ENTPD1: variants seen among roughly 807,000 people sequenced by gnomAD.
ENTPD1 encodes the protein ATP diphosphohydrolase.
A neutral mutation model predicts 57.0 loss-of-function variants in ENTPD1; 33 were observed. The ratio of observed to expected loss-of-function variants is 0.58; its 90% CI spans 0.44 to 0.77. ENTPD1 has a LOEUF of 0.77. ENTPD1 is among the 30% of genes least tolerant of loss of function. ENTPD1 has a pLI of 0.00. For synonymous variants in ENTPD1, 202 were observed against 218.8 expected, an observed-to-expected ratio of 0.92 and a Z score of 0.68; for missense variants, 501 against 603.4, an observed-to-expected ratio of 0.83 and a Z score of 1.78.
At chr10:95,767,038 C>G (rs945698673) in intron 1 of ENTPD1, among the ~76,000 whole-genome samples, 1 of 151,898 alleles carries the variant, frequency 6.6e-6, no homozygotes, top group Admixed American at 6.6e-5. Flanking sequence ...CACCACCATA[C>G]CCAGCTGATT....
intron 1 of ENTPD1, among the ~76,000 whole-genome samples, chr10:95,795,004 G>A (rs553921490): frequency 3.9e-5 from 6 of 152,288 alleles, no homozygotes; most frequent in African/African-American, 1.4e-4. Context: ...ATGGGAAGCT[G>A]TGGAGTATTC....
intron 1 of ENTPD1, among the ~76,000 whole-genome samples, chr10:95,715,183 C>G (rs2097970096): frequency 6.6e-6 from 1 of 152,138 alleles, no homozygotes; most frequent in Non-Finnish European, 1.5e-5. Context: ...ATAACTGAGT[C>G]ATACCCTCTT....
chr10:95,803,727 T>C (rs1358751404), intron 1 of ENTPD1, among the ~76,000 whole-genome samples: 1 of 152,260 alleles, frequency 6.6e-6, no homozygotes, highest in Non-Finnish European at 1.5e-5. Context: ...TTTGTCCATT[T>C]TGGCTTTTGT....
chr10:95,746,755 A>G (rs530832167), intron 1 of ENTPD1, among the ~76,000 whole-genome samples: 179 of 152,330 alleles, frequency 1.2e-3, no homozygotes, highest in Non-Finnish European at 5.4e-4. Flanking sequence ...TCATCTCTGG[A>G]TATCTGTAAG....
rs2098485598 is a variant in ENTPD1 at position 95,876,206 on chromosome 10, T to G, written c.*9823T>G. 1.0e-6 allele frequency: 1 copy of G among 978,878 alleles called. No individual in the cohort carries two copies. Among genetic ancestry groups the G allele is most frequent in the Admixed American group, 6.2e-5 (1 of 16,252 alleles). 60.6% of individuals were successfully genotyped at this position (978,878 alleles called of 1,614,324 possible). A position where few individuals can be genotyped will look rare whatever the true frequency, so the allele number is the denominator to read the frequency against. ...TTTTCTTAGGTATATTTATAAATAC[T>G]CCTATAAAAATGTAAAGAAACACAT... On this transcript the variant is annotated 3_prime_UTR_variant, in exon 10 of 10. Transcript: ENST00000371205.
At chr10:95,767,749 C>T (rs1294882808) in intron 1 of ENTPD1, among the ~76,000 whole-genome samples, 2 of 151,928 alleles carry the variant, frequency 1.3e-5, no homozygotes, top group Admixed American at 6.6e-5. Flanking sequence ...GCAATCTTTC[C>T]CCCTCAAGTC....
At chr10:95,840,342 C>A (rs1021162931) in intron 3 of ENTPD1, among the ~76,000 whole-genome samples, 3 of 152,192 alleles carry the variant, frequency 2.0e-5, no homozygotes, top group African/African-American at 7.2e-5. Flanking sequence ...GTCAGCAGAT[C>A]TGGAATGAAG....
upstream of ENTPD1, among the ~76,000 whole-genome samples, chr10:95,706,986 G>C (rs186471047): frequency 3.9e-5 from 6 of 152,338 alleles, no homozygotes; most frequent in East Asian, 1.2e-3. Context: ...TCCTAAGCCT[G>C]CAGGGACTGA....
intron 1 of ENTPD1, among the ~76,000 whole-genome samples, chr10:95,790,136 T>C (rs2098197451): frequency 6.6e-6 from 1 of 152,240 alleles, no homozygotes; most frequent in African/African-American, 2.4e-5. Flanking sequence ...TGTAGGTTGA[T>C]GTCTGCAGCG....
At chr10:95,695,441 C>T in the ENTPD1 span, among the ~76,000 whole-genome samples, 1 of 152,146 alleles carries the variant, frequency 6.6e-6, no homozygotes, top group Non-Finnish European at 1.5e-5. Flanking sequence ...TGGTCAACAC[C>T]TCCCTTTACA....
At chr10:95,709,470 A>G (rs7073973), upstream of ENTPD1, among the ~76,000 whole-genome samples, 127,786 of 151,972 alleles carry the variant, frequency 0.84, 54,260 homozygotes, top group Non-Finnish European at 0.91. Flanking sequence ...TGCAACCTCC[A>G]CCTCCCGGGT....
Position 95,739,027 on chromosome 10 carries a change from T to C in ENTPD1, c.37+27034T>C, listed in dbSNP as rs114956849. On this transcript the variant is annotated intron_variant, in intron 1 of 9. Coordinates refer to the ENTPD1 transcript ENST00000453258. Reference sequence around the variant, plus strand: ...TATGTTTACATTATATTATACATTATATTATAGTCTATAAAGTGTGCAATA... The same window carrying C: ...TATGTTTACATTATATTATACATTACATTATAGTCTATAAAGTGTGCAATA... 2.2e-3 allele frequency among the ~76,000 whole-genome samples: 328 copies of C among 152,366 alleles called. 1 individual carries two copies. Among genetic ancestry groups the C allele is most frequent in the African/African-American group, 7.4e-3 (307 of 41,590 alleles).
chr10:95,783,613 C>T (rs2098166334), intron 1 of ENTPD1, among the ~76,000 whole-genome samples: 1 of 151,788 alleles, frequency 6.6e-6, no homozygotes, highest in South Asian at 2.1e-4. Context: ...AGGATAACAC[C>T]CAGGTTTTTA....
chr10:95,855,932 G>A (rs1049568532), intron 7 of ENTPD1, among the ~76,000 whole-genome samples: 20 of 152,034 alleles, frequency 1.3e-4, no homozygotes, highest in African/African-American at 4.1e-4. Context: ...TGCTCTTCTC[G>A]AGGAGTATCT....
chr10:95,869,400 C>T lies in ENTPD1; in HGVS notation c.*3017C>T. 3.0e-6 allele frequency: 2 copies of T among 662,120 alleles called. No individual in the cohort carries two copies. Among genetic ancestry groups the T allele is most frequent in the Non-Finnish European group, 3.7e-6 (2 of 535,164 alleles). 41.0% of individuals were successfully genotyped at this position (662,120 alleles called of 1,614,324 possible). A position where few individuals can be genotyped will look rare whatever the true frequency, so the allele number is the denominator to read the frequency against. ...GAGTAGCTGGGATTGCAGGTGCCCACCACCACACCCGGCTAATTTTTGTAT... is the reference window on the plus strand; with the variant it reads ...GAGTAGCTGGGATTGCAGGTGCCCATCACCACACCCGGCTAATTTTTGTAT... On this transcript the variant is annotated 3_prime_UTR_variant, in exon 10 of 10. Transcript: ENST00000371205.
chr10:95,856,671 T>TATATATATATATATACAC (rs571622251), intron 7 of ENTPD1, among the ~76,000 whole-genome samples: 66 of 146,782 alleles, frequency 4.5e-4, no homozygotes, highest in Non-Finnish European at 7.5e-4. Flanking sequence ...TATATATATA[T>TATATATATATATATACAC]ACACACACAT....
chr10:95,842,454 C>T lies in ENTPD1; in HGVS notation c.373C>T (p.Pro125Ser). ...VIPRSQHQET[P>S]VYLGATAGMR... ...TCCAAGGTCCCAGCACCAAGAGACA[C>T]CCGTTTACCTGGGAGCCACGGCAGG... The change falls in exon 4 of 10, where the codon CCC becomes TCC. Residue 125 changes from proline to serine, a missense_variant. Physicochemically the swap from Pro to Ser is moderately conservative, Grantham distance 74 (BLOSUM62 -1). Transcript: ENST00000371205. 6.2e-7 allele frequency: 1 copy of T among 1,614,044 alleles called. No individual in the cohort carries two copies. The highest frequency in any genetic ancestry group is 1.7e-5 in the Admixed American group (1 of 60,016).
Position 95,791,567 on chromosome 10 carries a change from G to T in ENTPD1, c.17-31670G>T, listed in dbSNP as rs1011217840. On this transcript the variant is annotated intron_variant, in intron 1 of 9. Transcript: ENST00000371205. The surrounding 1 kb of genome is among the most constrained non-coding windows in gnomAD (Gnocchi z 4.1). ...GATTGCTAACAGTTAGACATGTCTG[G>T]CAATGGCTTAGACTACCTGGATATG... Among the ~76,000 whole-genome samples, 1 of 152,172 alleles carries T rather than the reference G, an allele frequency of 6.6e-6. No homozygotes were observed. The highest frequency in any genetic ancestry group is 2.4e-5 in the African/African-American group (1 of 41,442).
At chr10:95,836,540 C>T (rs1285644515) in intron 2 of ENTPD1, among the ~76,000 whole-genome samples, 1 of 152,050 alleles carries the variant, frequency 6.6e-6, no homozygotes, top group East Asian at 1.9e-4. Flanking sequence ...AGTGTCAGAT[C>T]TCTTCCTTAC....
Sources: gnomAD v4.1 joint callset for allele counts (sites outside exome capture counted in the v4.1 genomes callset) on GRCh38, gnomAD v4.1.1 for gene constraint, Gnocchi (gnomAD v3.1) non-coding constraint, MANE v1.5 for transcripts, NCBI Gene and HGNC (gene_info 2026-07-23, HGNC 2026-07-21) for gene names.